ST7: variants seen among roughly 807,000 people sequenced by gnomAD.
The protein encoded by ST7 is suppressor of tumorigenicity 7 protein.
A neutral mutation model predicts 78.7 loss-of-function variants in ST7; 28 were observed. The ratio of observed to expected loss-of-function variants is 0.36; its 90% CI spans 0.26 to 0.49. The LOEUF (loss-of-function observed/expected upper bound fraction) is 0.49. ST7 is among the 20% of genes least tolerant of loss of function. The probability of loss-of-function intolerance (pLI) is 0.99; values close to 1 mark genes in which losing one functional copy is unlikely to be tolerated. For missense variants in ST7, 418 were observed against 696.0 expected (o/e 0.60, Z 4.49); for synonymous variants, 247 against 249.6 (o/e 0.99, Z 0.10).
At chr7:117,154,772 G>A (rs1022885202) in intron 9 of ST7, among the ~76,000 whole-genome samples, 3 of 152,144 alleles carry the variant, frequency 2.0e-5, no homozygotes, top group African/African-American at 7.2e-5. Flanking sequence ...GAGCAGAAAT[G>A]ATAGACATCT....
intron 9 of ST7, among the ~76,000 whole-genome samples, chr7:117,142,052 T>A (rs988520705): frequency 4.6e-5 from 7 of 152,154 alleles, no homozygotes; most frequent in African/African-American, 1.7e-4. Context: ...GAAAGGTCTT[T>A]CTGCTTGCTC....
At chr7:117,102,500 G>T (rs188124150) in intron 2 of ST7, among the ~76,000 whole-genome samples, 2 of 152,134 alleles carry the variant, frequency 1.3e-5, no homozygotes, top group African/African-American at 4.8e-5. Context: ...AGCAGAAACT[G>T]TTTTGCTAGA....
intron 9 of ST7, among the ~76,000 whole-genome samples, chr7:117,162,345 A>T (rs1268317101): frequency 6.6e-6 from 1 of 152,070 alleles, no homozygotes; most frequent in African/African-American, 2.4e-5. Flanking sequence ...GGGAAAAAAT[A>T]AAACTGCTTG....
In ST7 at chr7:117,071,507, GT is replaced by G. The variant is rs1179465255; in HGVS notation, c.152-28250del. ...TCTGGGATCTTTCCAGCTCAAACAT[GT>G]TTTTATTCTTCAAAGACACCATATG... On this transcript the variant is annotated intron_variant, in intron 1 of 15. Transcript: ENST00000323984. 1.3e-5 allele frequency among the ~76,000 whole-genome samples: 2 copies of G among 152,136 alleles called. 1 individual carries two copies. Among genetic ancestry groups the G allele is most frequent in the Non-Finnish European group, 2.9e-5 (2 of 68,008 alleles).
chr7:117,225,986 C>T (rs1692822586), intron 15 of ST7, among the ~76,000 whole-genome samples: 1 of 152,212 alleles, frequency 6.6e-6, no homozygotes, highest in South Asian at 2.1e-4. Flanking sequence ...AACCCACCTC[C>T]TCACAGAATG....
intron 1 of ST7, among the ~76,000 whole-genome samples, chr7:117,028,662 A>G (rs976430149): frequency 1.3e-5 from 2 of 152,194 alleles, no homozygotes; most frequent in African/African-American, 4.8e-5. Context: ...ACCTCAAAAC[A>G]TACTGGTTTA....
At chr7:117,018,601 T>C (rs1300243299) in intron 1 of ST7, among the ~76,000 whole-genome samples, 1 of 152,236 alleles carries the variant, frequency 6.6e-6, no homozygotes, top group African/African-American at 2.4e-5. Context: ...TATCGTAGTG[T>C]GCTTAAGAGC....
At position 117,151,079 on chromosome 7, in the gene ST7, AT is replaced by A. The variant is rs1231759863; in HGVS notation, c.963+12548del. Among the ~76,000 whole-genome samples, 4 of 152,220 alleles carry A rather than the reference AT, an allele frequency of 2.6e-5. 1 individual carries two copies. The highest frequency in any genetic ancestry group is 2.6e-4 in the Admixed American group (4 of 15,282). On this transcript the variant is annotated intron_variant, in intron 9 of 15. Coordinates refer to ENST00000323984, the MANE Select transcript of ST7 (RefSeq NM_001369598.1). ...CTCATTCAGGTTACCACTGTCTTTCATCTCAGCTATGCAGTCGGTCTCCAGA... is the reference window on the plus strand; with the variant it reads ...CTCATTCAGGTTACCACTGTCTTTCACTCAGCTATGCAGTCGGTCTCCAGA...
intron 1 of ST7, among the ~76,000 whole-genome samples, chr7:117,010,539 A>G (rs1356702334): frequency 6.6e-6 from 1 of 152,188 alleles, no homozygotes; most frequent in East Asian, 1.9e-4. Flanking sequence ...GAGCAGCAAG[A>G]TGAGATATCT....
chr7:117,156,546 C>T (rs1806702692), intron 9 of ST7, among the ~76,000 whole-genome samples: 2 of 152,062 alleles, frequency 1.3e-5, no homozygotes, highest in South Asian at 4.1e-4. Context: ...GAGTTATCAA[C>T]ATATACAGGA....
At chr7:117,135,711 T>C (rs1419607382) in intron 7 of ST7, among the ~76,000 whole-genome samples, 1 of 152,106 alleles carries the variant, frequency 6.6e-6, no homozygotes, top group Non-Finnish European at 1.5e-5. Flanking sequence ...ACATGCTGGC[T>C]ACTGTACTGA....
chr7:117,106,324 GGTTA>G lies in ST7; in HGVS notation c.234+6484_234+6487del, dbSNP rs566855029. 3.9e-5 allele frequency among the ~76,000 whole-genome samples: 6 copies of G among 152,224 alleles called. No individual in the cohort carries two copies. The South Asian group carries it at 1.2e-3, about 32-fold the overall frequency. On this transcript the variant is annotated intron_variant, in intron 2 of 15. Coordinates refer to ENST00000323984, the MANE Select transcript of ST7 (RefSeq NM_001369598.1). Reference sequence around the variant, plus strand: ...GGAAATGTTTTGTCTAAGCTCATGTGGTTAGTTTGCAGCAAAGTCAGGCCTAGAA... The same window carrying G: ...GGAAATGTTTTGTCTAAGCTCATGTGGTTTGCAGCAAAGTCAGGCCTAGAA...
In ST7 at chr7:117,162,254, A is replaced by AT. The variant is rs575446703; in HGVS notation, c.964-8607dup. ...TGAACTCTGTGTCCTGATGCCTAGC[A>AT]TATGGCAAGGATTTCATATTTGTTA... On this transcript the variant is annotated intron_variant, in intron 9 of 15. Coordinates refer to ENST00000323984, the MANE Select transcript of ST7 (RefSeq NM_001369598.1). Among the ~76,000 whole-genome samples the AT allele has an allele frequency of 3.3e-4, 51 of 152,242 alleles. No individual in the cohort carries two copies. The East Asian group carries it at 6.8e-3, about 20-fold the overall frequency.
intron 1 of ST7, among the ~76,000 whole-genome samples, chr7:117,067,636 T>TAGAA (rs1798712954): frequency 6.6e-6 from 1 of 152,088 alleles, no homozygotes; most frequent in Non-Finnish European, 1.5e-5. Flanking sequence ...TGAGGGTGAC[T>TAGAA]AGAAGGGTGG....
chr7:116,985,534 TTTG>T (rs149997290), intron 1 of ST7, among the ~76,000 whole-genome samples: 1 of 152,338 alleles, frequency 6.6e-6, no homozygotes, highest in East Asian at 1.9e-4. Flanking sequence ...TAAAGCAATT[TTTG>T]TTTTACTTTC....
chr7:116,996,610 C>A (rs937036866), intron 1 of ST7, among the ~76,000 whole-genome samples: 2 of 152,178 alleles, frequency 1.3e-5, no homozygotes, highest in Non-Finnish European at 2.9e-5. Flanking sequence ...CTACTCCAGT[C>A]CATTAGTTGT....
chr7:117,047,354 A>G (rs955161939), intron 1 of ST7, among the ~76,000 whole-genome samples: 1 of 152,198 alleles, frequency 6.6e-6, no homozygotes, highest in Non-Finnish European at 1.5e-5. Context: ...GAACGACTTA[A>G]TTACAGGGAG....
At position 117,229,907 on chromosome 7, in the gene ST7, C is replaced by T. The variant is rs746425835; in HGVS notation, c.*50C>T. 6.9e-7 allele frequency: 1 copy of T among 1,453,548 alleles called. No individual in the cohort carries two copies. Among genetic ancestry groups the T allele is most frequent in the South Asian group, 1.1e-5 (1 of 87,844 alleles). 90.0% of individuals were successfully genotyped at this position (1,453,548 alleles called of 1,614,324 possible). ...TCACCCGCCGCTGCCACCATCTCCTCTGTGCCAACTCCTTGTGGACCGCAA... is the reference window on the plus strand; with the variant it reads ...TCACCCGCCGCTGCCACCATCTCCTTTGTGCCAACTCCTTGTGGACCGCAA... On this transcript the variant is annotated 3_prime_UTR_variant, in exon 16 of 16. Transcript: ENST00000323984.
chr7:117,070,417 CAG>C (rs1467190603), intron 1 of ST7, among the ~76,000 whole-genome samples: 2 of 152,044 alleles, frequency 1.3e-5, no homozygotes, highest in Non-Finnish European at 2.9e-5. Context: ...GGGTGGTTGT[CAG>C]GGAATGGGAG....
Sources: gnomAD v4.1 joint callset for allele counts (sites outside exome capture counted in the v4.1 genomes callset) on GRCh38, gnomAD v4.1.1 for gene constraint, MANE v1.5 for transcripts, NCBI Gene and HGNC (gene_info 2026-07-23, HGNC 2026-07-21) for gene names.